CNTN5: variants seen among roughly 807,000 people sequenced by gnomAD.
The protein encoded by CNTN5 is contactin 5.
CNTN5 carries 77 observed loss-of-function variants against 129.1 expected under a neutral mutation model. The ratio of observed to expected loss-of-function variants is 0.60; its 90% CI spans 0.50 to 0.72. The LOEUF (loss-of-function observed/expected upper bound fraction) is 0.72, where lower values mean the gene tolerates loss of function less well. Ranked by LOEUF, CNTN5 falls within the 30% of genes least tolerant of loss-of-function variation. The probability of loss-of-function intolerance (pLI) is 0.00; values close to 1 mark genes in which losing one functional copy is unlikely to be tolerated. For synonymous variants in CNTN5, 509 were observed against 465.6 expected (o/e 1.09, Z -1.20); for missense variants, 1,478 against 1,328.8 (o/e 1.11, Z -1.75).
At chr11:99,335,404 T>C (rs1400637230) in intron 2 of CNTN5, among the ~76,000 whole-genome samples, 1 of 152,070 alleles carries the variant, frequency 6.6e-6, no homozygotes, top group African/African-American at 2.4e-5. Flanking sequence ...CTAGACATTT[T>C]TTATAATAAA....
chr11:99,034,435 C>G (rs989400344), intron 1 of CNTN5, among the ~76,000 whole-genome samples: 27 of 151,574 alleles, frequency 1.8e-4, no homozygotes, highest in Non-Finnish European at 3.5e-4. Context: ...TGATTATTGC[C>G]ACAATTTCAG....
chr11:99,962,755 G>C (rs11827906), intron 8 of CNTN5, among the ~76,000 whole-genome samples: 15,721 of 149,184 alleles, frequency 0.11, 1,009 homozygotes, highest in African/African-American at 0.17. Flanking sequence ...AATGGTTGAA[G>C]TAGTTTACAT....
intron 2 of CNTN5, among the ~76,000 whole-genome samples, chr11:99,326,069 A>G (rs994117410): frequency 6.6e-6 from 1 of 152,212 alleles, no homozygotes; most frequent in Admixed American, 6.5e-5. Flanking sequence ...AGAAATTACT[A>G]AAGAGTGATT....
intron 2 of CNTN5, among the ~76,000 whole-genome samples, chr11:99,424,573 C>A (rs1943037027): frequency 6.6e-6 from 1 of 152,372 alleles, no homozygotes; most frequent in East Asian, 1.9e-4. Context: ...TGTGAGGCTG[C>A]AGCTGGGCCA....
chr11:100,087,426 G>A (rs1490376025), intron 13 of CNTN5, among the ~76,000 whole-genome samples: 1 of 151,718 alleles, frequency 6.6e-6, no homozygotes, highest in African/African-American at 2.4e-5. Context: ...GATCCCAATT[G>A]TACACAGTTA....
intron 1 of CNTN5, among the ~76,000 whole-genome samples, chr11:99,136,492 A>G (rs1859226356): frequency 6.6e-6 from 1 of 152,118 alleles, no homozygotes; most frequent in East Asian, 1.9e-4. Flanking sequence ...TTTACCTTTA[A>G]TATGTCTTTG....
intron 1 of CNTN5, among the ~76,000 whole-genome samples, chr11:99,310,356 A>C (rs1479209549): frequency 6.6e-6 from 1 of 152,290 alleles, no homozygotes; most frequent in Non-Finnish European, 1.5e-5. Context: ...ATGTTTTCAG[A>C]AAGACATTTA....
intron 13 of CNTN5, among the ~76,000 whole-genome samples, chr11:100,161,873 A>ACACACACAC (rs1555025938): frequency 7.7e-4 from 93 of 120,250 alleles, no homozygotes; most frequent in African/African-American, 2.7e-3. Context: ...ACACACACAC[A>ACACACACAC]AAACAAAAAA....
chr11:99,613,008 T>C (rs898256820), intron 3 of CNTN5, among the ~76,000 whole-genome samples: 1 of 152,136 alleles, frequency 6.6e-6, no homozygotes, highest in Non-Finnish European at 1.5e-5. Context: ...CAGAGTCACT[T>C]ACACTCCAGG....
intron 1 of CNTN5, among the ~76,000 whole-genome samples, chr11:99,263,063 G>T (rs978916194): frequency 2.6e-5 from 4 of 152,184 alleles, no homozygotes; most frequent in Admixed American, 2.0e-4. Context: ...AAAGAATTAA[G>T]TCAGCAAAAA....
chr11:99,860,950 ATTTTTTTT>A (rs146364893), intron 6 of CNTN5, among the ~76,000 whole-genome samples: 3 of 91,030 alleles, frequency 3.3e-5, no homozygotes, highest in Non-Finnish European at 6.0e-5. Flanking sequence ...ATATGTCTTC[ATTTTTTTT>A]TTTTTTTTTT....
chr11:100,325,991 C>A (rs891575991), intron 21 of CNTN5, among the ~76,000 whole-genome samples: 8 of 152,084 alleles, frequency 5.3e-5, no homozygotes, highest in African/African-American at 1.4e-4. Flanking sequence ...ATAGTTCTAA[C>A]CTCAATGAGA....
rs571501934 is a variant in CNTN5, at chr11:99,216,979, T to G, written c.-209-108367T>G. ...GCAGGCAAATCGTGAGGTCAAGAAA[T>G]CGAGACCATCCTGACCAACATGGTG... is the stretch of plus-strand genomic sequence containing the variant. On this transcript the variant is annotated intron_variant, in intron 1 of 24. Transcript: ENST00000524871. 6.6e-5 allele frequency among the ~76,000 whole-genome samples: 10 copies of G among 152,116 alleles called. No homozygotes were observed. In the South Asian group the frequency reaches 1.9e-3, roughly 28 times the overall value.
intron 9 of CNTN5, among the ~76,000 whole-genome samples, chr11:100,019,964 A>G (rs1941039605): frequency 6.6e-6 from 1 of 151,826 alleles, no homozygotes; most frequent in Non-Finnish European, 1.5e-5. Flanking sequence ...TGTCTATTCA[A>G]TCCTTGGCTC....
chr11:99,491,997 G>T (rs1021115670), intron 2 of CNTN5, among the ~76,000 whole-genome samples: 4 of 152,148 alleles, frequency 2.6e-5, no homozygotes, highest in African/African-American at 7.2e-5. Flanking sequence ...CCTGATTCCT[G>T]CAAGGAATTG....
intron 1 of CNTN5, among the ~76,000 whole-genome samples, chr11:99,121,246 T>C (rs1858311329): frequency 6.6e-6 from 1 of 151,884 alleles, no homozygotes. Context: ...GTGATTCTCC[T>C]GCTTCAGCCT....
intron 1 of CNTN5, among the ~76,000 whole-genome samples, chr11:99,110,119 A>T (rs2135379530): frequency 6.6e-6 from 1 of 152,252 alleles, no homozygotes; most frequent in Non-Finnish European, 1.5e-5. Context: ...AGAGCTTGCC[A>T]TGACTTCCTC....
chr11:99,056,075 G>A (rs1244455644), intron 1 of CNTN5, among the ~76,000 whole-genome samples: 1 of 151,734 alleles, frequency 6.6e-6, no homozygotes, highest in Non-Finnish European at 1.5e-5. Flanking sequence ...GGATATGGGC[G>A]GCTGTTTCAT....
chr11:99,711,816 C>T (rs1408869083), intron 3 of CNTN5, among the ~76,000 whole-genome samples: 2 of 151,944 alleles, frequency 1.3e-5, no homozygotes, highest in East Asian at 3.9e-4. Flanking sequence ...TGAACTCATC[C>T]TTTTTTAAGG....
Sources: gnomAD v4.1 joint callset for allele counts (sites outside exome capture counted in the v4.1 genomes callset) on GRCh38, gnomAD v4.1.1 for gene constraint, MANE v1.5 for transcripts, NCBI Gene and HGNC (gene_info 2026-07-23, HGNC 2026-07-21) for gene names.